The following FHIP1A variants were observed in gnomAD, a reference collection of about 807,000 sequenced individuals.
FHIP1A encodes FHF complex subunit HOOK interacting protein 1A, also known as FHF complex subunit HOOK-interacting protein 1A.
FHIP1A carries 61 observed loss-of-function variants against 88.6 expected under a neutral mutation model. The observed-to-expected ratio is 0.69, with a 90% CI of 0.56 to 0.85. FHIP1A has a LOEUF of 0.85. Ranked by LOEUF, FHIP1A falls within the 40% of genes least tolerant of loss-of-function variation. The probability of loss-of-function intolerance (pLI) is 0.00; values close to 1 mark genes in which losing one functional copy is unlikely to be tolerated. For synonymous variants in FHIP1A, 478 were observed against 496.0 expected (o/e 0.96, Z 0.48); for missense variants, 1,154 against 1,273.5 (o/e 0.91, Z 1.43).
chr4:151,640,707 C>G (rs1305826741), intron 9 of FHIP1A, among the ~76,000 whole-genome samples: 3 of 152,180 alleles, frequency 2.0e-5, no homozygotes, highest in African/African-American at 7.2e-5. Flanking sequence ...TGGCCTTGAT[C>G]TGGAGGTGCA....
chr4:151,554,191 A>G (rs781337232), intron 3 of FHIP1A, among the ~76,000 whole-genome samples: 1 of 152,184 alleles, frequency 6.6e-6, no homozygotes, highest in African/African-American at 2.4e-5. Context: ...AGAATTGAAT[A>G]GACAATTTAG....
In FHIP1A at chr4:151,454,719, G is replaced by T. The variant is rs1210302007; in HGVS notation, c.-337G>T. On this transcript the variant is annotated 5_prime_UTR_variant, in exon 2 of 14. Coordinates refer to ENST00000435205, the MANE Select transcript of FHIP1A (RefSeq NM_001109977.3). ...TTTCCAGGTGATACACTTGGGTGTT[G>T]AAGGACATTTTTGAAATCATGAGAA... 1 of 151,456 alleles carries T rather than the reference G, an allele frequency of 6.6e-6. No homozygotes were observed. The highest frequency in any genetic ancestry group is 1.5e-5 in the Non-Finnish European group (1 of 67,912). 9.4% of individuals were successfully genotyped at this position (151,456 alleles called of 1,614,324 possible).
At chr4:151,582,106 C>A (rs1055616062) in intron 5 of FHIP1A, among the ~76,000 whole-genome samples, 10 of 152,182 alleles carry the variant, frequency 6.6e-5, no homozygotes, top group Non-Finnish European at 1.3e-4. Context: ...TCAAGTGATG[C>A]AAATTAAAGC....
At chr4:151,590,291 A>C (rs1734375284) in intron 7 of FHIP1A, among the ~76,000 whole-genome samples, 2 of 152,184 alleles carry the variant, frequency 1.3e-5, no homozygotes, top group Admixed American at 1.3e-4. Context: ...TATTGACATA[A>C]ACATTTCCTG....
At chr4:151,423,705 T>G (rs1733260340) in intron 1 of FHIP1A, among the ~76,000 whole-genome samples, 1 of 152,214 alleles carries the variant, frequency 6.6e-6, no homozygotes, top group South Asian at 2.1e-4. Flanking sequence ...TGAAGCTGTA[T>G]TAGCACTCTT....
At chr4:151,449,824 C>T (rs545248852) in intron 1 of FHIP1A, among the ~76,000 whole-genome samples, 19 of 152,238 alleles carry the variant, frequency 1.2e-4, no homozygotes, top group Middle Eastern at 6.8e-3. Flanking sequence ...GCCACAAACT[C>T]GTATTTTGCT....
chr4:151,412,652 CTTCT>C (rs201396765), intron 1 of FHIP1A, among the ~76,000 whole-genome samples: 1,723 of 124,884 alleles, frequency 0.014, 60 homozygotes, highest in African/African-American at 0.051. Flanking sequence ...CCCTGCCTCC[CTTCT>C]TTCTTTCTTT....
At chr4:151,638,876 G>A in intron 9 of FHIP1A, 120 bp downstream of exon 9, 1 of 459,816 alleles carries the variant, frequency 2.2e-6, no homozygotes, top group Non-Finnish European at 3.7e-6. Flanking sequence ...AGCTAAAAAG[G>A]CGCCAAGCAT....
At chr4:151,431,413 T>C (rs1315435518) in intron 1 of FHIP1A, among the ~76,000 whole-genome samples, 1 of 152,160 alleles carries the variant, frequency 6.6e-6, no homozygotes, top group Non-Finnish European at 1.5e-5. Flanking sequence ...TTATTGTTTT[T>C]AAAAAAATCA....
intron 7 of FHIP1A, among the ~76,000 whole-genome samples, chr4:151,599,574 G>A (rs1245580540): frequency 6.6e-6 from 1 of 152,148 alleles, no homozygotes; most frequent in African/African-American, 2.4e-5. Context: ...TCTGAGAAAG[G>A]CTATTAGAGG....
At chr4:151,552,567 A>G (rs942002718) in intron 3 of FHIP1A, among the ~76,000 whole-genome samples, 5 of 152,194 alleles carry the variant, frequency 3.3e-5, no homozygotes, top group African/African-American at 1.2e-4. Context: ...TGAGCAAACT[A>G]TCACAAGGAT....
intron 3 of FHIP1A, among the ~76,000 whole-genome samples, chr4:151,510,627 C>T (rs1400858030): frequency 6.6e-6 from 1 of 152,144 alleles, no homozygotes; most frequent in Non-Finnish European, 1.5e-5. Context: ...CGGGATTCAG[C>T]GTTGACATGG....
intron 5 of FHIP1A, among the ~76,000 whole-genome samples, chr4:151,583,045 G>A (rs28540596): frequency 0.034 from 5,161 of 152,010 alleles, 301 homozygotes; most frequent in African/African-American, 0.12. Flanking sequence ...TTTATCAGCC[G>A]TCTTCTCCAT....
At chr4:151,577,305 A>G (rs969913432) in intron 4 of FHIP1A, 145 bp from the exon 5 acceptor site, 3 of 609,312 alleles carry the variant, frequency 4.9e-6, no homozygotes, top group African/African-American at 3.7e-5. Flanking sequence ...AGAGGGAGAC[A>G]CACACACACA....
At chr4:151,537,275 A>G (rs932049998) in intron 3 of FHIP1A, among the ~76,000 whole-genome samples, 2 of 151,968 alleles carry the variant, frequency 1.3e-5, no homozygotes, top group African/African-American at 4.8e-5. Context: ...CTTTTCTGAC[A>G]TTTACTATTT....
chr4:151,598,541 T>C (rs1396227780), intron 7 of FHIP1A, among the ~76,000 whole-genome samples: 1 of 152,226 alleles, frequency 6.6e-6, no homozygotes, highest in African/African-American at 2.4e-5. Flanking sequence ...ATAAATTTTC[T>C]TTGTGCATTC....
intron 4 of FHIP1A, among the ~76,000 whole-genome samples, chr4:151,567,979 A>G (rs1273484608): frequency 2.0e-5 from 3 of 152,150 alleles, no homozygotes; most frequent in Non-Finnish European, 4.4e-5. Context: ...GGTAACTGTG[A>G]TATGATCCAT....
chr4:151,486,270 A>G (rs1293588641), intron 3 of FHIP1A, among the ~76,000 whole-genome samples: 4 of 152,170 alleles, frequency 2.6e-5, no homozygotes, highest in East Asian at 1.9e-4. Context: ...GGTGATTCTG[A>G]TATGTGCTAT....
chr4:151,639,142 A>C (rs1278699131), intron 9 of FHIP1A, among the ~76,000 whole-genome samples: 2 of 152,230 alleles, frequency 1.3e-5, no homozygotes, highest in African/African-American at 4.8e-5. Flanking sequence ...CCAAATATAA[A>C]GTGCTTTTGA....
Sources: allele counts gnomAD v4.1 joint callset (sites outside exome capture counted in the v4.1 genomes callset), GRCh38; gene constraint gnomAD v4.1.1; transcripts MANE v1.5; gene names NCBI Gene and HGNC (gene_info 2026-07-23, HGNC 2026-07-21).